Variants in SYTL2 observed in about 807,000 individuals in gnomAD.
SYTL2 encodes synaptotagmin-like protein 2.
SYTL2 carries 165 observed loss-of-function variants against 198.7 expected under a neutral mutation model. That is an observed-to-expected ratio of 0.83 (90% CI 0.73 to 0.94). The LOEUF is 0.94. Among genes scored for constraint, SYTL2 ranks in the 40% least tolerant of loss-of-function variants. The pLI, the probability that SYTL2 is intolerant of heterozygous loss-of-function variation, is 0.00. For missense variants in SYTL2, 2,835 were observed against 2,582.8 expected, an observed-to-expected ratio of 1.10 and a Z score of -2.12; for synonymous variants, 966 against 917.7, an observed-to-expected ratio of 1.05 and a Z score of -0.95.
chr11:85,813,984 G>A (rs181390512), upstream of SYTL2, among the ~76,000 whole-genome samples: 29 of 152,232 alleles, frequency 1.9e-4, no homozygotes, highest in African/African-American at 6.7e-4. Flanking sequence ...TTGGGATTAC[G>A]GGCGTGAGCC....
intron 1 of SYTL2, among the ~76,000 whole-genome samples, chr11:85,782,690 C>T (rs919161808): frequency 9.9e-5 from 15 of 152,142 alleles, no homozygotes; most frequent in African/African-American, 3.4e-4. Flanking sequence ...AACACTTTAC[C>T]GCTTAGAAAT....
chr11:85,716,842 G>A (rs367702647), intron 11 of SYTL2, among the ~76,000 whole-genome samples: 18 of 152,108 alleles, frequency 1.2e-4, no homozygotes, highest in African/African-American at 3.9e-4. Context: ...AGAAAAGATC[G>A]AACAAACATT....
chr11:85,780,253 A>C (rs2092535818), intron 1 of SYTL2, among the ~76,000 whole-genome samples: 1 of 152,200 alleles, frequency 6.6e-6, no homozygotes, highest in African/African-American at 2.4e-5. Flanking sequence ...CCACCAAATG[A>C]AATGTCTCTC....
chr11:85,833,096 A>G, the SYTL2 span, among the ~76,000 whole-genome samples: 7 of 55,306 alleles, frequency 1.3e-4, no homozygotes, highest in African/African-American at 4.2e-4. Flanking sequence ...AGAAAGAAAG[A>G]AAGAAGGAAG....
At chr11:85,760,103 G>C in intron 1 of SYTL2, among the ~76,000 whole-genome samples, 1 of 152,166 alleles carries the variant, frequency 6.6e-6, no homozygotes, top group East Asian at 1.9e-4. Flanking sequence ...TTTGTGGTTT[G>C]ATCTGGCTTC....
At chr11:85,735,615 G>A (rs1308243667) in intron 6 of SYTL2, among the ~76,000 whole-genome samples, 1 of 152,064 alleles carries the variant, frequency 6.6e-6, no homozygotes, top group Non-Finnish European at 1.5e-5. Context: ...AAATTAGGCG[G>A]GTGTGGTAGA....
At chr11:85,720,281 T>A (rs1159032390) in intron 9 of SYTL2, among the ~76,000 whole-genome samples, 1 of 152,228 alleles carries the variant, frequency 6.6e-6, no homozygotes, top group Admixed American at 6.5e-5. Context: ...CATGCAAAAT[T>A]CACTGGACAT....
chr11:85,721,780 T>C (rs1314779587), intron 8 of SYTL2, among the ~76,000 whole-genome samples: 2 of 152,240 alleles, frequency 1.3e-5, no homozygotes, highest in Non-Finnish European at 2.9e-5. Context: ...GTACATTCCA[T>C]AGCAAATGGA....
the SYTL2 span, among the ~76,000 whole-genome samples, chr11:85,846,792 G>C: frequency 1.4e-5 from 2 of 146,892 alleles, no homozygotes; most frequent in African/African-American, 5.1e-5. Context: ...AGTGTGCAGT[G>C]GCACAGTCTC....
intron 2 of SYTL2, among the ~76,000 whole-genome samples, chr11:85,752,274 T>A (rs916507721): frequency 2.6e-5 from 4 of 152,168 alleles, no homozygotes; most frequent in African/African-American, 9.7e-5. Context: ...GATTTGGAGG[T>A]GCTCTCAGAT....
At chr11:85,696,426 A>C in intron 18 of SYTL2, 38 bp from the exon 19 acceptor site, 2 of 1,498,736 alleles carry the variant, frequency 1.3e-6, no homozygotes, top group South Asian at 1.1e-5. Context: ...CATTTTAGTA[A>C]GATAGTGAAC....
chr11:85,816,851 C>T, the SYTL2 span, among the ~76,000 whole-genome samples: 5 of 145,730 alleles, frequency 3.4e-5, no homozygotes, highest in African/African-American at 5.1e-5. Context: ...GAGGTCAAGG[C>T]TACAGTGAGC....
upstream of SYTL2, among the ~76,000 whole-genome samples, chr11:85,814,253 ATG>A (rs2093059019): frequency 1.3e-5 from 2 of 152,206 alleles, no homozygotes; most frequent in Non-Finnish European, 2.9e-5. Flanking sequence ...CCCCTTCCAG[ATG>A]ACCTAACTTG....
At chr11:85,711,021 C>G (rs1166499483) in intron 13 of SYTL2, 92 bp downstream of exon 13, 3 of 1,357,394 alleles carry the variant, frequency 2.2e-6, no homozygotes, top group South Asian at 1.5e-5. Flanking sequence ...CTGAGAAATA[C>G]AGGAGGAGGC....
the SYTL2 span, among the ~76,000 whole-genome samples, chr11:85,843,306 T>G: frequency 6.6e-6 from 1 of 152,122 alleles, no homozygotes; most frequent in East Asian, 1.9e-4. Context: ...AGGCAGAGGT[T>G]GCAGTGAGCC....
intron 1 of SYTL2, among the ~76,000 whole-genome samples, chr11:85,779,053 T>A (rs1592003221): frequency 6.6e-6 from 1 of 152,026 alleles, no homozygotes; most frequent in East Asian, 1.9e-4. Context: ...ACTATATATA[T>A]TATATAACAT....
intron 18 of SYTL2, among the ~76,000 whole-genome samples, chr11:85,696,725 A>T (rs2083459375): frequency 6.6e-6 from 1 of 152,212 alleles, no homozygotes; most frequent in Non-Finnish European, 1.5e-5. Context: ...AATTAGAATT[A>T]AATAACATAT....
At chr11:85,821,158 T>C in the SYTL2 span, among the ~76,000 whole-genome samples, 1 of 152,250 alleles carries the variant, frequency 6.6e-6, no homozygotes, top group Non-Finnish European at 1.5e-5. Flanking sequence ...GATTCTAAGA[T>C]GCACATCTTT....
intron 1 of SYTL2, among the ~76,000 whole-genome samples, chr11:85,782,258 C>T (rs2092572836): frequency 6.6e-6 from 1 of 152,228 alleles, no homozygotes; most frequent in African/African-American, 2.4e-5. Flanking sequence ...ACAACTTGAG[C>T]TGTACCTTGG....
Sources: allele counts gnomAD v4.1 joint callset (sites outside exome capture counted in the v4.1 genomes callset), GRCh38; gene constraint gnomAD v4.1.1; transcripts MANE v1.5; gene names NCBI Gene and HGNC (gene_info 2026-07-23, HGNC 2026-07-21).